The following PCM1 variants were observed in gnomAD, a reference collection of about 807,000 sequenced individuals.
The protein encoded by PCM1 is pericentriolar material 1.
A neutral mutation model predicts 241.9 loss-of-function variants in PCM1; 157 were observed. The observed-to-expected ratio is 0.65, with a 90% CI of 0.57 to 0.74. The LOEUF (loss-of-function observed/expected upper bound fraction) is 0.74, where lower values mean the gene tolerates loss of function less well. Ranked by LOEUF, PCM1 falls within the 30% of genes least tolerant of loss-of-function variation. PCM1 has a pLI of 0.00. For synonymous variants in PCM1, 1,085 were observed against 784.9 expected, an observed-to-expected ratio of 1.38 and a Z score of -6.39; for missense variants, 3,478 against 2,360.1, an observed-to-expected ratio of 1.47 and a Z score of -9.81.
At chr8:17,935,795 C>G (rs1039180089) in intron 3 of PCM1, 89 bp downstream of exon 3, 6 of 683,312 alleles carry the variant, frequency 8.8e-6, no homozygotes, top group Non-Finnish European at 1.6e-5. Context: ...CACTGATGCT[C>G]TTTGTATACA....
intron 25 of PCM1, 62 bp downstream of exon 25, chr8:17,985,681 G>A (rs2082345305): frequency 7.7e-7 from 1 of 1,292,274 alleles, no homozygotes; most frequent in Admixed American, 2.0e-5. Flanking sequence ...ATTATCTCTG[G>A]TTGCTGTCTT....
rs368336520 is a variant in PCM1 at position 17,955,489 on chromosome 8, C to T, written c.1308C>T (p.Val436=). The T allele has an allele frequency of 5.0e-6, 8 of 1,608,974 alleles. No homozygotes were observed. Among genetic ancestry groups the T allele is most frequent in the South Asian group, 1.1e-5 (1 of 89,818 alleles). Residue 436 remains valine, a synonymous_variant, in exon 10 of 39, where the codon GTC becomes GTT. Transcript: ENST00000325083. ...CTTCAGCCTCTCCACAAAGGAGTGT[C>T]GATCAGAGAAGTACTTCAGCTCCCT... ...NNSSSSPQRS[V]DQRSTSAPSA...
At chr8:17,984,290 T>C (rs1386911219) in intron 24 of PCM1, among the ~76,000 whole-genome samples, 1 of 152,038 alleles carries the variant, frequency 6.6e-6, no homozygotes, top group East Asian at 1.9e-4. Context: ...GATAAAAGTT[T>C]GCATATCAAA....
chr8:18,024,349 AGAGT>A (rs1310877503), intron 36 of PCM1, among the ~76,000 whole-genome samples: 11 of 152,202 alleles, frequency 7.2e-5, no homozygotes, highest in African/African-American at 2.7e-4. Flanking sequence ...TCTGGGCAAC[AGAGT>A]GAGGCCCTGT....
intron 29 of PCM1, among the ~76,000 whole-genome samples, chr8:17,999,813 T>G (rs2088575016): frequency 6.6e-6 from 1 of 152,124 alleles, no homozygotes; most frequent in African/African-American, 2.4e-5. Context: ...GAGGCTTCTG[T>G]TCTGCCATCT....
chr8:17,983,392 G>A, intron 24 of PCM1: 2 of 469,054 alleles, frequency 4.3e-6, no homozygotes, highest in South Asian at 2.0e-5. Flanking sequence ...ATTTAGCTGA[G>A]AGTATATATG....
In PCM1 at chr8:17,956,581, T is replaced by G. The variant is rs772661901; in HGVS notation, c.1473-23T>G. The G allele has an allele frequency of 2.0e-6, 3 of 1,465,048 alleles. No individual in the cohort carries two copies. In the South Asian group the frequency reaches 3.7e-5, roughly 18 times the overall value. 90.8% of individuals were successfully genotyped at this position (1,465,048 alleles called of 1,614,324 possible). A position where few individuals can be genotyped will look rare whatever the true frequency, so the allele number is the denominator to read the frequency against. On this transcript the variant is annotated intron_variant, in intron 10 of 38. Coordinates refer to ENST00000325083, the MANE Select transcript of PCM1 (RefSeq NM_006197.4). The stretch of plus-strand genomic sequence containing the variant: ...TTTGCTAAAATGGGTGTAAATCGTA[T>G]ACATAAATTTTTTGTTTATCAGGAA...
intron 7 of PCM1, 89 bp downstream of exon 7, chr8:17,947,452 A>G (rs115720079): frequency 2.2e-6 from 2 of 916,002 alleles, no homozygotes; most frequent in East Asian, 2.5e-5. Context: ...ACATAATCAG[A>G]TCTTGATTGT....
Position 17,966,418 on chromosome 8 carries a change from C to T in PCM1, c.3166C>T (p.His1056Tyr), listed in dbSNP as rs561676976. ...ATCTCCTCAAGTACACTTCATAATG[C>T]ACCAGTTGAACCAGTGCTATACTCA... ...VASPQVHFIMHQLNQCYTQLT... is the reference protein window; with the variant it reads ...VASPQVHFIMYQLNQCYTQLT... The change falls in exon 20 of 39, where the codon CAC becomes TAC. Residue 1056 changes from histidine (H) to tyrosine (Y), a missense_variant. Coordinates refer to ENST00000325083, the MANE Select transcript of PCM1 (RefSeq NM_006197.4). The T allele has an allele frequency of 1.4e-5, 22 of 1,613,540 alleles. No homozygotes were observed. In the African/African-American group the frequency reaches 2.1e-4, roughly 16 times the overall value.
chr8:17,949,522 G>A (rs575520140), intron 7 of PCM1, among the ~76,000 whole-genome samples: 5 of 122,454 alleles, frequency 4.1e-5, no homozygotes, highest in Non-Finnish European at 8.4e-5. Context: ...TTTGAGACAG[G>A]ATCTTGCTCT....
At chr8:17,977,713 A>T (rs145475032) in intron 23 of PCM1, among the ~76,000 whole-genome samples, 1 of 152,178 alleles carries the variant, frequency 6.6e-6, no homozygotes, top group African/African-American at 2.4e-5. Flanking sequence ...TTAACCCTGT[A>T]CATGGGAGAG....
intron 32 of PCM1, among the ~76,000 whole-genome samples, 159 bp downstream of exon 32, chr8:18,010,827 A>T (rs931728497): frequency 1.3e-5 from 2 of 152,144 alleles, no homozygotes; most frequent in African/African-American, 2.4e-5. Flanking sequence ...CTAAAAATAC[A>T]AAAATTAGCC....
Position 17,989,975 on chromosome 8 carries a change from T to A in PCM1, c.4527T>A (p.Asp1509Glu), listed in dbSNP as rs992776511. 1.3e-6 allele frequency: 2 copies of A among 1,531,174 alleles called. No homozygotes were observed. The highest frequency in any genetic ancestry group is 1.3e-5 in the South Asian group (1 of 78,792). 94.8% of individuals were successfully genotyped at this position (1,531,174 alleles called of 1,614,324 possible). Residue 1509 changes from aspartate to glutamate, a missense_variant, in exon 27 of 39, where the codon GAT (aspartate) becomes GAA (glutamate). Physicochemically the swap from Asp to Glu is conservative, Grantham distance 45. Coordinates refer to ENST00000325083, the MANE Select transcript of PCM1 (RefSeq NM_006197.4). ...SSNFEPFATD[D>E]LGNTVIHLDQ... is the part of the protein sequence containing the mutation. The stretch of plus-strand genomic sequence containing the variant: ...ATTTTGAGCCTTTTGCAACAGATGA[T>A]CTAGGTAAGCAGAATTGTTTATAAT...
At chr8:17,996,621 T>G (rs2086854811) in intron 29 of PCM1, among the ~76,000 whole-genome samples, 1 of 152,070 alleles carries the variant, frequency 6.6e-6, no homozygotes. Context: ...TTTCTTCTAT[T>G]TTGGGTTTGG....
intron 8 of PCM1, among the ~76,000 whole-genome samples, chr8:17,951,975 C>A (rs918169207): frequency 2.6e-5 from 4 of 152,176 alleles, no homozygotes; most frequent in Admixed American, 2.6e-4. Context: ...GTAATCCCAG[C>A]ACTTTGGGAG....
intron 23 of PCM1, among the ~76,000 whole-genome samples, chr8:17,974,540 C>T (rs1044387490): frequency 2.0e-5 from 3 of 152,134 alleles, no homozygotes; most frequent in Non-Finnish European, 4.4e-5. Flanking sequence ...AACAGACTCT[C>T]TTGTGTTGCC....
chr8:18,014,055 T>C lies in PCM1; in HGVS notation c.5584+19T>C, dbSNP rs1264909703. The C allele has an allele frequency of 7.3e-7, 1 of 1,377,526 alleles. No homozygotes were observed. The highest frequency in any genetic ancestry group is 1.0e-6 in the Non-Finnish European group (1 of 997,766). 85.3% of individuals were successfully genotyped at this position (1,377,526 alleles called of 1,614,324 possible). A position where few individuals can be genotyped will look rare whatever the true frequency, so the allele number is the denominator to read the frequency against. On this transcript the variant is annotated intron_variant, in intron 35 of 38. Coordinates refer to ENST00000325083, the MANE Select transcript of PCM1 (RefSeq NM_006197.4). ...AGTAAAAGTAAGAAATCTAAATAAG[T>C]CTTTGATTTTAAGATAATTTCCTTT...
intron 6 of PCM1, among the ~76,000 whole-genome samples, chr8:17,941,737 G>A (rs1036887800): frequency 2.6e-5 from 4 of 151,988 alleles, no homozygotes; most frequent in Non-Finnish European, 5.9e-5. Flanking sequence ...AGACATTGAC[G>A]TTACTACAAG....
At chr8:18,019,037 A>G in intron 36 of PCM1, among the ~76,000 whole-genome samples, 1 of 151,774 alleles carries the variant, frequency 6.6e-6, no homozygotes, top group East Asian at 1.9e-4. Context: ...ATGTGCCTAC[A>G]GATTCTAAAT....
Sources: allele counts gnomAD v4.1 joint callset (sites outside exome capture counted in the v4.1 genomes callset), GRCh38; gene constraint gnomAD v4.1.1; transcripts MANE v1.5; gene names NCBI Gene and HGNC (gene_info 2026-07-23, HGNC 2026-07-21).